The following HIBCH variants were observed in gnomAD, a reference collection of about 807,000 sequenced individuals.
HIBCH encodes the protein 3-hydroxyisobutyryl-CoA hydrolase, also known as 3-hydroxyisobutyryl-CoA hydrolase, mitochondrial.
A neutral mutation model predicts 58.2 loss-of-function variants in HIBCH; 50 were observed. That is an observed-to-expected ratio of 0.86 (90% CI 0.68 to 1.09). The LOEUF (loss-of-function observed/expected upper bound fraction) is 1.09, where lower values mean the gene tolerates loss of function less well. Among genes scored for constraint, HIBCH ranks in the 50% least tolerant of loss-of-function variants. The pLI is 0.00. For missense variants in HIBCH, 450 were observed against 449.7 expected, an observed-to-expected ratio of 1.00 and a Z score of -0.01; for synonymous variants, 151 against 146.9, an observed-to-expected ratio of 1.03 and a Z score of -0.20.
chr2:190,297,842 C>T (rs575693821), intron 2 of HIBCH, among the ~76,000 whole-genome samples: 15 of 152,086 alleles, frequency 9.9e-5, no homozygotes, highest in South Asian at 2.1e-4. Context: ...CACCCATCAA[C>T]CTGTTATCTA....
At position 190,216,847 on chromosome 2, in the gene HIBCH, TGAG is replaced by T. The variant is rs992545122; in HGVS notation, c.892-3775_892-3773del. ...TGGGCTGGGGGAGGATCCCTGCAGC[TGAG>T]GAGGAGGAAAAGCCACTAAGTCCCC... On this transcript the variant is annotated intron_variant, in intron 11 of 13. Coordinates refer to ENST00000359678, the MANE Select transcript of HIBCH (RefSeq NM_014362.4). The surrounding 1 kb of genome is among the most constrained non-coding windows in gnomAD (Gnocchi z 4.2). Among the ~76,000 whole-genome samples, 4 of 152,150 alleles carry T rather than the reference TGAG, an allele frequency of 2.6e-5. No individual in the cohort carries two copies. Among genetic ancestry groups the T allele is most frequent in the South Asian group, 4.2e-4 (2 of 4,812 alleles).
At chr2:190,259,327 G>GTGTGTA (rs1687020882) in intron 7 of HIBCH, among the ~76,000 whole-genome samples, 1 of 89,692 alleles carries the variant, frequency 1.1e-5, no homozygotes, top group East Asian at 4.5e-4. Flanking sequence ...AGATGTGTGT[G>GTGTGTA]TGTGTGTGTG....
chr2:190,249,339 T>A (rs1300584114), intron 9 of HIBCH, among the ~76,000 whole-genome samples: 1 of 152,214 alleles, frequency 6.6e-6, no homozygotes, highest in Non-Finnish European at 1.5e-5. Flanking sequence ...CAAATAGTGT[T>A]AACATTGAAC....
At chr2:190,267,751 A>G (rs934845119) in intron 6 of HIBCH, among the ~76,000 whole-genome samples, 4 of 152,234 alleles carry the variant, frequency 2.6e-5, no homozygotes, top group Non-Finnish European at 5.9e-5. Context: ...ATAAAGTTTG[A>G]AACAGATTGA....
At chr2:190,317,031 C>T (rs919201852) in intron 1 of HIBCH, among the ~76,000 whole-genome samples, 2 of 152,226 alleles carry the variant, frequency 1.3e-5, no homozygotes, top group Admixed American at 1.3e-4. Context: ...ATCCTCCCAC[C>T]TCAGCCTCCC....
intron 2 of HIBCH, among the ~76,000 whole-genome samples, chr2:190,298,574 T>A (rs1688174114): frequency 6.6e-6 from 1 of 152,120 alleles, no homozygotes. Context: ...CATATCCTTC[T>A]CCCACTTTTT....
intron 6 of HIBCH, among the ~76,000 whole-genome samples, chr2:190,267,206 GTTGTT>G (rs1559043277): frequency 6.6e-6 from 1 of 152,102 alleles, no homozygotes; most frequent in Non-Finnish European, 1.5e-5. Context: ...TTTTGTTGTT[GTTGTT>G]TTGTTTCATT....
At chr2:190,238,567 C>A (rs1055410009) in intron 11 of HIBCH, among the ~76,000 whole-genome samples, 1 of 152,124 alleles carries the variant, frequency 6.6e-6, no homozygotes, top group Admixed American at 6.5e-5. Context: ...CAGGTTCAAG[C>A]GATTTTCCTG....
In HIBCH at chr2:190,266,558, G is replaced by A. The variant is rs753334889; in HGVS notation, c.439-5324C>T. ...AAGTGATTCTCCTGCCTCGGCCTCCGGAGTAGCTGGAACTACAGATGTGCA... is the reference window on the plus strand; with the variant it reads ...AAGTGATTCTCCTGCCTCGGCCTCCAGAGTAGCTGGAACTACAGATGTGCA... On this transcript the variant is annotated intron_variant, in intron 6 of 13. Coordinates refer to ENST00000359678, the MANE Select transcript of HIBCH (RefSeq NM_014362.4). 4.0e-4 allele frequency among the ~76,000 whole-genome samples: 60 copies of A among 149,202 alleles called. 1 individual carries two copies. Among genetic ancestry groups the A allele is most frequent in the Admixed American group, 1.9e-3 (28 of 15,008 alleles).
chr2:190,263,915 A>G (rs1687161386), intron 6 of HIBCH, among the ~76,000 whole-genome samples: 1 of 151,884 alleles, frequency 6.6e-6, no homozygotes, highest in Admixed American at 6.6e-5. Context: ...TAATCTATGA[A>G]CTATCCTGAG....
chr2:190,297,059 T>TA, intron 2 of HIBCH, 106 bp from the exon 3 acceptor site: 1 of 1,031,800 alleles, frequency 9.7e-7, no homozygotes, highest in Non-Finnish European at 1.5e-6. Flanking sequence ...TAATGGTAAC[T>TA]AAAGGAAAGA....
chr2:190,200,352 T>C (rs1295768647), downstream of HIBCH: 1 of 551,366 alleles, frequency 1.8e-6, no homozygotes, highest in Non-Finnish European at 3.3e-6. Flanking sequence ...TCTTAGATTT[T>C]AGTCATCTGA....
At position 190,254,402 on chromosome 2, in the gene HIBCH, T is replaced by A. The variant is rs1161638676; in HGVS notation, c.518-2095A>T. Among the ~76,000 whole-genome samples, 1 of 152,080 alleles carries A rather than the reference T, an allele frequency of 6.6e-6. No homozygotes were observed. Among genetic ancestry groups the A allele is most frequent in the East Asian group, 1.9e-4 (1 of 5,180 alleles). On this transcript the variant is annotated intron_variant, in intron 7 of 13. Coordinates refer to ENST00000359678, the MANE Select transcript of HIBCH (RefSeq NM_014362.4). This position sits in a 1 kb window ranked among gnomAD's most constrained non-coding sequence, Gnocchi z 5.0. ...AGAGAACCATCTGCTGACACCTTGATCTCAGCCTTTCAATCTCCAGAACTG... is the reference window on the plus strand; with the variant it reads ...AGAGAACCATCTGCTGACACCTTGAACTCAGCCTTTCAATCTCCAGAACTG...
At chr2:190,272,204 A>C (rs933018943) in intron 6 of HIBCH, among the ~76,000 whole-genome samples, 2 of 152,230 alleles carry the variant, frequency 1.3e-5, no homozygotes, top group African/African-American at 4.8e-5. Context: ...TTGGACAGTA[A>C]GCTCTAGGAG....
In HIBCH at chr2:190,319,787, A is replaced by C. The variant is rs377104057; in HGVS notation, c.-37T>G. On this transcript the variant is annotated 5_prime_UTR_variant, in exon 1 of 14. Coordinates refer to ENST00000359678, the MANE Select transcript of HIBCH (RefSeq NM_014362.4). Reference sequence around the variant, plus strand: ...CCGAAGCTAAAGCAGCAGAGCGAGAATCTCCCGGACCGTTCCAGCGCCTCG... The same window carrying C: ...CCGAAGCTAAAGCAGCAGAGCGAGACTCTCCCGGACCGTTCCAGCGCCTCG... The C allele has an allele frequency of 7.5e-6, 12 of 1,601,648 alleles. No individual in the cohort carries two copies. In the African/African-American group the frequency reaches 1.2e-4, roughly 16 times the overall value.
chr2:190,201,937 C>A (rs1384379315), downstream of HIBCH: 2 of 166,920 alleles, frequency 1.2e-5, no homozygotes, highest in Non-Finnish European at 2.9e-5. Flanking sequence ...CACACCAAGA[C>A]ATTTTTGCTG....
In HIBCH at chr2:190,304,574, G is replaced by T. The variant is rs954050937; in HGVS notation, c.78+6180C>A. On this transcript the variant is annotated intron_variant, in intron 2 of 13. Transcript: ENST00000359678. The surrounding 1 kb of genome is among the most constrained non-coding windows in gnomAD (Gnocchi z 4.1). ...ACATCCACACTGGGGGTTAAATTTCGAAATGAGTTTTGGAGCGGGCAAATA... is the reference window on the plus strand; with the variant it reads ...ACATCCACACTGGGGGTTAAATTTCTAAATGAGTTTTGGAGCGGGCAAATA... Among the ~76,000 whole-genome samples, 1 of 152,100 alleles carries T rather than the reference G, an allele frequency of 6.6e-6. No homozygotes were observed. Among genetic ancestry groups the T allele is most frequent in the Non-Finnish European group, 1.5e-5 (1 of 68,000 alleles).
At chr2:190,232,649 C>G (rs1686138293) in intron 11 of HIBCH, among the ~76,000 whole-genome samples, 1 of 152,116 alleles carries the variant, frequency 6.6e-6, no homozygotes, top group Admixed American at 6.6e-5. Context: ...TTTGCCATTA[C>G]TTTTATGACA....
In HIBCH at chr2:190,315,039, C is replaced by G. The variant is rs546179428; in HGVS notation, c.36-4243G>C. Among the ~76,000 whole-genome samples, 2 of 151,848 alleles carry G rather than the reference C, an allele frequency of 1.3e-5. No individual in the cohort carries two copies. Among genetic ancestry groups the G allele is most frequent in the East Asian group, 3.9e-4 (2 of 5,160 alleles). ...CTCGGCTCACTGCAGGCTCTGCCTT[C>G]CGGGTTCACGCCATTCTCCTGCCTC... On this transcript the variant is annotated intron_variant, in intron 1 of 13. Transcript: ENST00000359678. The surrounding 1 kb of genome is among the most constrained non-coding windows in gnomAD (Gnocchi z 5.4).
Sources: gnomAD v4.1 joint callset for allele counts (sites outside exome capture counted in the v4.1 genomes callset) on GRCh38, gnomAD v4.1.1 for gene constraint, Gnocchi (gnomAD v3.1) non-coding constraint, MANE v1.5 for transcripts, NCBI Gene and HGNC (gene_info 2026-07-23, HGNC 2026-07-21) for gene names.